The following ARHGEF28 variants were observed in gnomAD, a reference collection of about 807,000 sequenced individuals.
ARHGEF28 encodes Rho guanine nucleotide exchange factor 28.
Under a neutral mutation model 206.6 loss-of-function variants are expected in ARHGEF28, and 152 were observed. The observed-to-expected ratio is 0.74, with a 90% CI of 0.64 to 0.84. The LOEUF is 0.84. Ranked by LOEUF, ARHGEF28 falls within the 40% of genes least tolerant of loss-of-function variation. The pLI is 0.00. For synonymous variants in ARHGEF28, 763 were observed against 776.4 expected (o/e 0.98, Z 0.29); for missense variants, 2,028 against 2,073.2 (o/e 0.98, Z 0.42).
In ARHGEF28 at chr5:73,911,346, A is replaced by G; in HGVS notation, c.4719A>G (p.Gln1573=). 1 of 1,613,254 alleles carries G rather than the reference A, an allele frequency of 6.2e-7. No homozygotes were observed. The highest frequency in any genetic ancestry group is 1.1e-5 in the South Asian group (1 of 90,770). ...TCTTCATCAATGAAGCTTTAGTACA[A>G]ATGTCATTTAACACTTTCAACAAAC... The part of the protein sequence containing the change: ...NSFFINEALV[Q]MSFNTFNKLN... Residue 1573 remains glutamine (Q), a synonymous_variant, in exon 35 of 36, where the codon CAA becomes CAG. Transcript: ENST00000513042.
chr5:73,924,149 A>G (rs941940581), intron 35 of ARHGEF28, among the ~76,000 whole-genome samples: 1 of 152,206 alleles, frequency 6.6e-6, no homozygotes, highest in Non-Finnish European at 1.5e-5. Flanking sequence ...TTTCCAATGT[A>G]ATGAGCCTTA....
In ARHGEF28 at chr5:73,832,356, T is replaced by G. The variant is rs757055413; in HGVS notation, c.1043T>G (p.Leu348Arg). The G allele has an allele frequency of 1.9e-6, 3 of 1,612,456 alleles. No individual in the cohort carries two copies. The highest frequency in any genetic ancestry group is 2.5e-6 in the Non-Finnish European group (3 of 1,179,254). The change falls in exon 10 of 36, where the codon CTA becomes CGA. Residue 348 changes from leucine to arginine, a missense_variant. Transcript: ENST00000513042. The stretch of plus-strand genomic sequence containing the variant: ...ACTCTAGATCGCTCCTTCGATATCC[T>G]AAAAAAATCCAAGCCGCCCTCGACA... ...SLDLDRSFDILKKSKPPSTLL... is the reference protein window; with the variant it reads ...SLDLDRSFDIRKKSKPPSTLL...
Position 73,858,104 on chromosome 5 carries a change from C to A in ARHGEF28, c.1932C>A (p.Ala644=). Residue 644 remains alanine, a synonymous_variant, in exon 16 of 36, where the codon GCC becomes GCA. Coordinates refer to ENST00000513042, the MANE Select transcript of ARHGEF28 (RefSeq NM_001177693.2). The stretch of plus-strand genomic sequence containing the variant: ...ATCTGAAGACAAAAAGCAAGGATGC[C>A]AAAGATAAAGAGAAGCTGAATCGAC... ...RNKSKTKSKD[A]KDKEKLNRHQ... is the part of the protein sequence containing the mutation. 6.2e-7 allele frequency: 1 copy of A among 1,607,848 alleles called. No homozygotes were observed. The highest frequency in any genetic ancestry group is 8.5e-7 in the Non-Finnish European group (1 of 1,178,182).
intron 9 of ARHGEF28, among the ~76,000 whole-genome samples, chr5:73,830,558 A>G (rs1188377399): frequency 1.3e-5 from 1 of 74,968 alleles, no homozygotes; most frequent in African/African-American, 6.5e-5. Flanking sequence ...ATCTCAAAAA[A>G]AGAAAAAAAA....
chr5:73,677,616 C>CT (rs1308823935), intron 1 of ARHGEF28, among the ~76,000 whole-genome samples: 1 of 151,910 alleles, frequency 6.6e-6, no homozygotes, highest in Non-Finnish European at 1.5e-5. Context: ...TAGTCTAATA[C>CT]TTTTTTTTAG....
chr5:73,853,914 A>T (rs556920321), intron 14 of ARHGEF28, among the ~76,000 whole-genome samples: 1 of 152,336 alleles, frequency 6.6e-6, no homozygotes, highest in South Asian at 2.1e-4. Context: ...GAGAGATTTA[A>T]GACCGAAGGA....
In ARHGEF28 at chr5:73,940,826, GCTGT is replaced by G. The variant is rs766556262; in HGVS notation, c.4949-13_4949-10del. ...TCTCAGGTGGCCTCCTGTAACCTGT[GCTGT>G]CTGTTTCTTGCAGATTTGGACACCT... is the stretch of plus-strand genomic sequence containing the variant. On this transcript the variant is annotated splice_polypyrimidine_tract_variant and intron_variant, in intron 35 of 35. Transcript: ENST00000513042. The G allele has an allele frequency of 5.1e-5, 75 of 1,468,396 alleles. No individual in the cohort carries two copies. The highest frequency in any genetic ancestry group is 6.5e-5 in the Non-Finnish European group (73 of 1,118,432). The allele number at this position is 1,468,396 out of a possible 1,614,324, so 91.0% of individuals were successfully genotyped here.
chr5:73,864,324 A>G (rs1014688945), intron 16 of ARHGEF28, among the ~76,000 whole-genome samples: 3 of 152,166 alleles, frequency 2.0e-5, no homozygotes, highest in African/African-American at 7.2e-5. Flanking sequence ...TAATTAGACT[A>G]CCTGAAACTT....
chr5:73,777,663 G>T (rs1753615117), intron 6 of ARHGEF28, among the ~76,000 whole-genome samples: 1 of 152,156 alleles, frequency 6.6e-6, no homozygotes, highest in Non-Finnish European at 1.5e-5. Flanking sequence ...TTCAGAGTAT[G>T]ATCTTTCTCT....
chr5:73,658,681 A>G (rs1745386131), intron 1 of ARHGEF28, among the ~76,000 whole-genome samples: 1 of 152,172 alleles, frequency 6.6e-6, no homozygotes, highest in Admixed American at 6.5e-5. Context: ...AAAATATTGC[A>G]GTTAGGTGTA....
In ARHGEF28 at chr5:73,671,787, G is replaced by A. The variant is rs539583452; in HGVS notation, c.-11-13054G>A. ...TTTTTTTTTTTTGAGACGGAATCTC[G>A]CTCTGTCACCCAGGCTGGAGTGCAG... is the stretch of plus-strand genomic sequence containing the variant. On this transcript the variant is annotated intron_variant, in intron 1 of 35. Transcript: ENST00000513042. Among the ~76,000 whole-genome samples, 92 of 85,130 alleles carry A rather than the reference G, an allele frequency of 1.1e-3. 4 individuals are homozygous for A. Among genetic ancestry groups the A allele is most frequent in the Middle Eastern group, 0.02 (2 of 98 alleles). 55.8% of individuals were successfully genotyped at this position (85,130 alleles called of 152,430 possible).
At chr5:73,671,269 C>T (rs1413973069) in intron 1 of ARHGEF28, among the ~76,000 whole-genome samples, 2 of 152,296 alleles carry the variant, frequency 1.3e-5, no homozygotes, top group Middle Eastern at 3.4e-3. Context: ...GCAAGTTTCT[C>T]AGCCAGGCTT....
Position 73,774,988 on chromosome 5 carries a change from C to T in ARHGEF28, c.659+950C>T, listed in dbSNP as rs542295588. Among the ~76,000 whole-genome samples the T allele has an allele frequency of 3.9e-5, 6 of 152,280 alleles. No individual in the cohort carries two copies. In the South Asian group the frequency reaches 1.2e-3, roughly 32 times the overall value. The stretch of plus-strand genomic sequence containing the variant: ...TATAGTTATGTAGTACATAAGTGGA[C>T]ATTAGAGTAGAAATCAGAGCTTTTG... On this transcript the variant is annotated intron_variant, in intron 5 of 35. Coordinates refer to ENST00000513042, the MANE Select transcript of ARHGEF28 (RefSeq NM_001177693.2).
At chr5:73,840,908 A>T in intron 11 of ARHGEF28, 148 bp downstream of exon 11, 1 of 904,062 alleles carries the variant, frequency 1.1e-6, no homozygotes, top group African/African-American at 1.7e-5. Context: ...ATATTCACTG[A>T]TTTGAAAGTA....
intron 21 of ARHGEF28, among the ~76,000 whole-genome samples, chr5:73,871,378 A>T (rs1254781680): frequency 6.6e-6 from 1 of 152,254 alleles, no homozygotes; most frequent in Non-Finnish European, 1.5e-5. Flanking sequence ...CACTAAAAAC[A>T]TAGGAAATAA....
Position 73,756,590 on chromosome 5 carries a change from C to T in ARHGEF28, c.475+3388C>T, listed in dbSNP as rs1561382146. 2.0e-5 allele frequency among the ~76,000 whole-genome samples: 3 copies of T among 152,248 alleles called. No homozygotes were observed. In the East Asian group the frequency reaches 5.8e-4, roughly 29 times the overall value. On this transcript the variant is annotated intron_variant, in intron 4 of 35. Coordinates refer to ENST00000513042, the MANE Select transcript of ARHGEF28 (RefSeq NM_001177693.2). ...GATTCAGCCCACCATGTGTTTAAAT[C>T]TCTGTATCTGCCTGTTCACACCTCA...
At chr5:73,865,356 A>C (rs77053344) in intron 17 of ARHGEF28, among the ~76,000 whole-genome samples, 2,295 of 152,176 alleles carry the variant, frequency 0.015, 57 homozygotes, top group African/African-American at 0.049. Context: ...GAACCACTGG[A>C]CTAGAAGAAT....
At chr5:73,767,643 T>C (rs1348531844) in intron 4 of ARHGEF28, among the ~76,000 whole-genome samples, 1 of 152,138 alleles carries the variant, frequency 6.6e-6, no homozygotes, top group Non-Finnish European at 1.5e-5. Flanking sequence ...TTGGGTGCTG[T>C]TAAAGGCATT....
intron 10 of ARHGEF28, among the ~76,000 whole-genome samples, chr5:73,839,254 T>A (rs1274748950): frequency 8.5e-5 from 13 of 152,196 alleles, no homozygotes; most frequent in Admixed American, 8.5e-4. Flanking sequence ...TTTTAAAAAA[T>A]TATTAAGTAC....
Sources: allele counts gnomAD v4.1 joint callset (sites outside exome capture counted in the v4.1 genomes callset), GRCh38; gene constraint gnomAD v4.1.1; transcripts MANE v1.5; gene names NCBI Gene and HGNC (gene_info 2026-07-23, HGNC 2026-07-21).